Variants in GRAMD1A observed in about 807,000 individuals in gnomAD.
The protein encoded by GRAMD1A is GRAM domain containing 1A.
A neutral mutation model predicts 92.0 loss-of-function variants in GRAMD1A; 50 were observed. That is an observed-to-expected ratio of 0.54 (90% CI 0.43 to 0.69). GRAMD1A has a LOEUF of 0.69. Among genes scored for constraint, GRAMD1A ranks in the 30% least tolerant of loss-of-function variants. The probability of loss-of-function intolerance (pLI) is 0.00; values close to 1 mark genes in which losing one functional copy is unlikely to be tolerated. For synonymous variants in GRAMD1A, 405 were observed against 403.6 expected (o/e 1.00, Z -0.04); for missense variants, 819 against 978.9 (o/e 0.84, Z 2.18).
At position 35,013,528 on chromosome 19, in the gene GRAMD1A, C is replaced by T. The variant is rs2015400430; in HGVS notation, c.720-13C>T. 2 of 1,594,442 alleles carry T rather than the reference C, an allele frequency of 1.3e-6. No individual in the cohort carries two copies. The highest frequency in any genetic ancestry group is 4.5e-5 in the East Asian group (2 of 44,580). On this transcript the variant is annotated splice_polypyrimidine_tract_variant and intron_variant, in intron 8 of 19. Transcript: ENST00000317991. This position sits in a 1 kb window ranked among gnomAD's most constrained non-coding sequence, Gnocchi z 4.9. The stretch of plus-strand genomic sequence containing the variant: ...AAGGACACAGCAGTCCCGCTTCCTC[C>T]CCTTTCCCACAGGACCCCCAAGGAA...
At chr19:35,000,006 A>C, upstream of GRAMD1A, 1 of 984,608 alleles carries the variant, frequency 1.0e-6, no homozygotes, top group Non-Finnish European at 1.2e-6. This position sits in a 1 kb window ranked among gnomAD's most constrained non-coding sequence, Gnocchi z 4.9. Flanking sequence ...GAGGTCCAGG[A>C]GCTTCTGGCC....
chr19:34,996,473 A>G (rs936469551), upstream of GRAMD1A, among the ~76,000 whole-genome samples: 4 of 152,242 alleles, frequency 2.6e-5, no homozygotes, highest in African/African-American at 7.2e-5. Flanking sequence ...GCGTTGGGAC[A>G]ACCAGCTATG....
chr19:34,997,459 A>C (rs1221271868), upstream of GRAMD1A, among the ~76,000 whole-genome samples: 2 of 152,080 alleles, frequency 1.3e-5, no homozygotes, highest in Non-Finnish European at 2.9e-5. Context: ...TTCTGAAAAG[A>C]AACACTATCT....
upstream of GRAMD1A, chr19:34,996,260 A>G: frequency 6.5e-7 from 1 of 1,534,756 alleles, no homozygotes. Flanking sequence ...GCAGCAGAGG[A>G]TGCCAGACCC....
In GRAMD1A at chr19:35,013,397, G is replaced by T. The variant is rs1293053568; in HGVS notation, c.719+29G>T. 8 of 1,514,250 alleles carry T rather than the reference G, an allele frequency of 5.3e-6. No homozygotes were observed. In the South Asian group the frequency reaches 7.0e-5, roughly 13 times the overall value. 93.8% of individuals were successfully genotyped at this position (1,514,250 alleles called of 1,614,324 possible). ...AGTTGGAGGTCAAAGGAGGTTGAAGGGTTCGGGGGAGAACAGGACGGTCGG... is the reference window on the plus strand; with the variant it reads ...AGTTGGAGGTCAAAGGAGGTTGAAGTGTTCGGGGGAGAACAGGACGGTCGG... On this transcript the variant is annotated intron_variant, in intron 8 of 19. Coordinates refer to ENST00000317991, the MANE Select transcript of GRAMD1A (RefSeq NM_020895.5). This position sits in a 1 kb window ranked among gnomAD's most constrained non-coding sequence, Gnocchi z 4.9.
rs765331104 is a variant in GRAMD1A, at chr19:35,011,504, C to T, written c.556C>T (p.Arg186Cys). The change falls in exon 7 of 20, where the codon CGC becomes TGC. Residue 186 changes from arginine (R) to cysteine (C), a missense_variant. Arg to Cys is a radical substitution (Grantham distance 180, BLOSUM62 -3). Around this residue, in one of 3 missense-constraint regions of GRAMD1A, gnomAD observed 144 missense variants for 220.3 expected, o/e 0.65. Coordinates refer to ENST00000317991, the MANE Select transcript of GRAMD1A (RefSeq NM_020895.5). ...HFFTSFGARD[R>C]CFLLIFRLWQ... ...CTTCACTTCCTTTGGGGCCCGTGAC[C>T]GCTGCTTCCTCCTCATCTTCCGCCT... 1.2e-5 allele frequency: 19 copies of T among 1,611,538 alleles called. No homozygotes were observed. The highest frequency in any genetic ancestry group is 2.7e-5 in the African/African-American group (2 of 74,904).
intron 16 of GRAMD1A, 42 bp from the exon 17 acceptor site, chr19:35,022,858 C>A (rs376620229): frequency 3.1e-6 from 5 of 1,593,052 alleles, no homozygotes; most frequent in Admixed American, 3.5e-5. Flanking sequence ...GCAGGCCAGG[C>A]GGCGCTCATC....
intron 17 of GRAMD1A, 36 bp downstream of exon 17, chr19:35,022,947 C>T (rs1394991163): frequency 6.8e-7 from 1 of 1,468,450 alleles, no homozygotes; most frequent in Non-Finnish European, 9.4e-7. Context: ...CCTCCCCTCC[C>T]TGCACCCCAC....
chr19:35,010,645 C>T (rs2015167306), intron 6 of GRAMD1A: 1 of 588,946 alleles, frequency 1.7e-6, no homozygotes, highest in Non-Finnish European at 3.0e-6. Context: ...ACCTCAGCCG[C>T]CCCTCCCTTC....
At chr19:35,005,930 A>G (rs2014780492) in intron 1 of GRAMD1A, 1 of 456,132 alleles carries the variant, frequency 2.2e-6, no homozygotes, top group African/African-American at 2.0e-5. Flanking sequence ...TAAGGCTTGG[A>G]GGTAAGAGAG....
At chr19:35,023,692 C>T (rs1600345668) in intron 19 of GRAMD1A, 145 bp downstream of exon 19, 1 of 708,756 alleles carries the variant, frequency 1.4e-6, no homozygotes, top group Non-Finnish European at 2.2e-6. Context: ...GTCCCCACCC[C>T]ACAGCATTGC....
chr19:35,018,436 C>T (rs888675171), intron 11 of GRAMD1A, among the ~76,000 whole-genome samples: 1 of 152,216 alleles, frequency 6.6e-6, no homozygotes, highest in South Asian at 2.1e-4. Flanking sequence ...ATGAGGGATC[C>T]GCCCCCATGA....
Position 35,013,487 on chromosome 19 carries a change from G to A in GRAMD1A, c.720-54G>A. On this transcript the variant is annotated intron_variant, in intron 8 of 19. Coordinates refer to ENST00000317991, the MANE Select transcript of GRAMD1A (RefSeq NM_020895.5). This position sits in a 1 kb window ranked among gnomAD's most constrained non-coding sequence, Gnocchi z 4.9. ...TGTATGACGTCTGGAGGATTCAGGAGGGTGTATGGGGTCTCAAGGACACAG... is the reference window on the plus strand; with the variant it reads ...TGTATGACGTCTGGAGGATTCAGGAAGGTGTATGGGGTCTCAAGGACACAG... 1.3e-6 allele frequency: 2 copies of A among 1,566,510 alleles called. No individual in the cohort carries two copies. The highest frequency in any genetic ancestry group is 1.7e-6 in the Non-Finnish European group (2 of 1,145,784).
chr19:34,995,966 T>G, upstream of GRAMD1A: 3 of 1,414,508 alleles, frequency 2.1e-6, no homozygotes, highest in Non-Finnish European at 2.8e-6. Context: ...GGGAGCTCTA[T>G]CCCTCATCTC....
In GRAMD1A at chr19:35,015,920, C is replaced by T. The variant is rs200796879; in HGVS notation, c.1166C>T (p.Ser389Leu). The T allele has an allele frequency of 5.0e-5, 80 of 1,614,038 alleles. No individual in the cohort carries two copies. The African/African-American group carries it at 5.2e-4, about 11-fold the overall frequency. ...GAGCGGCTCCAGCAGATGCTCTTCT[C>T]GGACTCGCCCTTCCTCCAGGGCTTC... ...GAERLQQMLF[S>L]DSPFLQGFLQ... The change falls in exon 11 of 20, where the codon TCG becomes TTG. Residue 389 changes from serine (S) to leucine (L), a missense_variant. Around this residue, in one of 3 missense-constraint regions of GRAMD1A, gnomAD observed 577 missense variants for 674.6 expected, o/e 0.86. Transcript: ENST00000317991.
chr19:35,019,783 CT>C (rs1568336207), intron 13 of GRAMD1A, among the ~76,000 whole-genome samples: 1 of 152,216 alleles, frequency 6.6e-6, no homozygotes, highest in Admixed American at 6.5e-5. Context: ...AATATCACCT[CT>C]CTCAGGGAGC....
At chr19:34,999,940 T>C, upstream of GRAMD1A, 2 of 975,742 alleles carry the variant, frequency 2.0e-6, no homozygotes, top group Non-Finnish European at 2.4e-6. Context: ...CACCTCGGTT[T>C]CCCAGCATCT....
intron 1 of GRAMD1A, chr19:35,006,043 T>C: frequency 2.2e-6 from 1 of 453,234 alleles, no homozygotes; most frequent in Non-Finnish European, 4.4e-6. Flanking sequence ...ACCAAGCCCA[T>C]GGCCAGGTGC....
exon 1 of GRAMD1A, chr19:34,994,799 G>A (rs1160479068): frequency 6.6e-6 from 1 of 152,352 alleles, no homozygotes; most frequent in Non-Finnish European, 1.5e-5. Flanking sequence ...TGAATGCTGT[G>A]TGGACAGAGG....
Sources: allele counts gnomAD v4.1 joint callset (sites outside exome capture counted in the v4.1 genomes callset), GRCh38; gene constraint gnomAD v4.1.1; regional missense constraint gnomAD v4.1.1; non-coding constraint Gnocchi (gnomAD v3.1); transcripts MANE v1.5; gene names NCBI Gene and HGNC (gene_info 2026-07-23, HGNC 2026-07-21).